Variants in CMPK1 observed in about 807,000 individuals in gnomAD.
The protein encoded by CMPK1 is UMP-CMP kinase.
In CMPK1, 10 loss-of-function variants were observed where a neutral mutation model predicts 25.7. The observed-to-expected ratio is 0.39, with a 90% CI of 0.24 to 0.66. The LOEUF (loss-of-function observed/expected upper bound fraction) is 0.66. Ranked by LOEUF, CMPK1 falls within the 30% of genes least tolerant of loss-of-function variation. The pLI is 0.48. For synonymous variants in CMPK1, 106 were observed against 101.5 expected, an observed-to-expected ratio of 1.04 and a Z score of -0.27; for missense variants, 199 against 280.5, an observed-to-expected ratio of 0.71 and a Z score of 2.08.
At chr1:47,366,009 C>G (rs1210567458) in intron 1 of CMPK1, among the ~76,000 whole-genome samples, 1 of 151,932 alleles carries the variant, frequency 6.6e-6, no homozygotes, top group Non-Finnish European at 1.5e-5. Context: ...GCCTGGCCAA[C>G]ATGGTAAAAC....
chr1:47,340,857 G>A (rs866140847), intron 1 of CMPK1, among the ~76,000 whole-genome samples: 10 of 151,902 alleles, frequency 6.6e-5, no homozygotes, highest in Non-Finnish European at 1.5e-4. Context: ...GGCTGGTCTC[G>A]GACTCCTGAC....
chr1:47,374,821 T>C, intron 3 of CMPK1, 88 bp from the exon 4 acceptor site: 1 of 921,756 alleles, frequency 1.1e-6, no homozygotes, highest in Non-Finnish European at 1.6e-6. Flanking sequence ...GTTTTTTTGG[T>C]CATCTCTTTA....
chr1:47,344,227 A>G (rs1210568305), intron 1 of CMPK1, among the ~76,000 whole-genome samples: 1 of 152,150 alleles, frequency 6.6e-6, no homozygotes, highest in Admixed American at 6.6e-5. Context: ...GGGACATCTA[A>G]ATGTCAATTT....
At chr1:47,343,344 T>A (rs1287520734) in intron 1 of CMPK1, among the ~76,000 whole-genome samples, 1 of 17,886 alleles carries the variant, frequency 5.6e-5, no homozygotes, top group Admixed American at 7.4e-4. Flanking sequence ...ACACCTGTAA[T>A]CCCAGCATTT....
At chr1:47,374,814 T>C in intron 3 of CMPK1, 95 bp from the exon 4 acceptor site, 2 of 831,760 alleles carry the variant, frequency 2.4e-6, no homozygotes, top group Non-Finnish European at 3.8e-6. Context: ...TTGCAGGGTT[T>C]TTTTGGTCAT....
chr1:47,373,643 A>G (rs1646690425), intron 3 of CMPK1, among the ~76,000 whole-genome samples: 2 of 152,170 alleles, frequency 1.3e-5, no homozygotes, highest in African/African-American at 4.8e-5. Flanking sequence ...TAAAAATACA[A>G]AAATTAGCCT....
At chr1:47,362,741 G>T (rs1646612689) in intron 1 of CMPK1, among the ~76,000 whole-genome samples, 6 of 152,196 alleles carry the variant, frequency 3.9e-5, no homozygotes. Context: ...ACTTTAATAT[G>T]TGGATTTGCG....
At chr1:47,363,919 G>C (rs1420676471) in intron 1 of CMPK1, among the ~76,000 whole-genome samples, 1 of 152,154 alleles carries the variant, frequency 6.6e-6, no homozygotes, top group African/African-American at 2.4e-5. Flanking sequence ...CTCCAGGCTA[G>C]GTGATCGACC....
intron 1 of CMPK1, among the ~76,000 whole-genome samples, chr1:47,349,150 C>G (rs1371018889): frequency 2.0e-5 from 3 of 152,126 alleles, no homozygotes; most frequent in African/African-American, 7.2e-5. Context: ...CATCTGCAAG[C>G]CAGGACATAA....
At chr1:47,343,881 C>T (rs1006500992) in intron 1 of CMPK1, among the ~76,000 whole-genome samples, 2 of 149,906 alleles carry the variant, frequency 1.3e-5, no homozygotes, top group Non-Finnish European at 3.0e-5. Context: ...AGAGAGACTC[C>T]GTCTCAAAAA....
intron 2 of CMPK1, among the ~76,000 whole-genome samples, chr1:47,370,809 GC>G (rs1365271944): frequency 2.7e-5 from 4 of 149,632 alleles, no homozygotes; most frequent in African/African-American, 9.8e-5. Context: ...AAATTAGTCG[GC>G]CGTGGTGGCA....
intron 1 of CMPK1, chr1:47,358,832 G>GT: frequency 1.0e-6 from 1 of 984,032 alleles, no homozygotes; most frequent in Middle Eastern, 5.2e-4. Context: ...TTTTTCTGGT[G>GT]TTGATTCTTA....
intron 2 of CMPK1, among the ~76,000 whole-genome samples, chr1:47,371,025 T>C (rs1036126118): frequency 1.3e-5 from 2 of 152,112 alleles, no homozygotes; most frequent in African/African-American, 2.4e-5. Flanking sequence ...ACTAGGTAAC[T>C]CTTCATTCTA....
intron 1 of CMPK1, among the ~76,000 whole-genome samples, chr1:47,336,311 C>T (rs1195921951): frequency 6.6e-6 from 1 of 151,992 alleles, no homozygotes; most frequent in Non-Finnish European, 1.5e-5. Context: ...TCTCTAGGCC[C>T]AGAGATGTTG....
chr1:47,345,945 G>A (rs1211515676), intron 1 of CMPK1, among the ~76,000 whole-genome samples: 2 of 151,478 alleles, frequency 1.3e-5, no homozygotes, highest in East Asian at 3.9e-4. Context: ...GGTAGAGATG[G>A]GGATTCACCA....
intron 1 of CMPK1, among the ~76,000 whole-genome samples, chr1:47,338,066 C>T (rs1365534489): frequency 6.6e-6 from 1 of 151,826 alleles, no homozygotes; most frequent in Non-Finnish European, 1.5e-5. Context: ...AAAAAAATTA[C>T]ATAAATCCAC....
chr1:47,351,703 G>A lies in CMPK1; in HGVS notation c.172-16766G>A, dbSNP rs1322807850. On this transcript the variant is annotated intron_variant, in intron 1 of 5. Coordinates refer to ENST00000371873, the MANE Select transcript of CMPK1 (RefSeq NM_016308.3). ...GCACCATTTTACATATCCACCAGCA[G>A]TATACAAAGGTTCCAGTTTCTCCAC... Among the ~76,000 whole-genome samples, 3 of 152,138 alleles carry A rather than the reference G, an allele frequency of 2.0e-5. No individual in the cohort carries two copies. The East Asian group carries it at 5.8e-4, about 29-fold the overall frequency.
At chr1:47,334,248 C>T in intron 1 of CMPK1, 132 bp downstream of exon 1, 1 of 921,854 alleles carries the variant, frequency 1.1e-6, no homozygotes, top group East Asian at 3.9e-5. Flanking sequence ...ACCGCGCCGC[C>T]CGCGTGGCAG....
rs997718623 is a variant in CMPK1 at position 47,378,361 on chromosome 1, T to C, written c.*1616T>C. On this transcript the variant is annotated 3_prime_UTR_variant, in exon 6 of 6. Transcript: ENST00000371873. ...AGGTGGTTTAATCAAACAGCTCTAG[T>C]ATGAAGCAAGAGTAAAGACTAAGGT... is the stretch of plus-strand genomic sequence containing the variant. The C allele has an allele frequency of 5.9e-5, 9 of 152,186 alleles. No individual in the cohort carries two copies. Among genetic ancestry groups the C allele is most frequent in the Admixed American group, 2.6e-4 (4 of 15,270 alleles). 9.4% of individuals were successfully genotyped at this position (152,186 alleles called of 1,614,324 possible). A position where few individuals can be genotyped will look rare whatever the true frequency, so the allele number is the denominator to read the frequency against.
Sources: gnomAD v4.1 joint callset for allele counts (sites outside exome capture counted in the v4.1 genomes callset) on GRCh38, gnomAD v4.1.1 for gene constraint, MANE v1.5 for transcripts, NCBI Gene and HGNC (gene_info 2026-07-23, HGNC 2026-07-21) for gene names.